The following ARID5A variants were observed in gnomAD, a reference collection of about 807,000 sequenced individuals.
The protein encoded by ARID5A is AT-rich interaction domain 5A.
In ARID5A, 14 loss-of-function variants were observed where a neutral mutation model predicts 30.5. That is an observed-to-expected ratio of 0.46 (90% confidence interval 0.30 to 0.72). The LOEUF (loss-of-function observed/expected upper bound fraction) is 0.72, where lower values mean the gene tolerates loss of function less well. Among genes scored for constraint, ARID5A ranks in the 30% least tolerant of loss-of-function variants. The pLI, the probability that ARID5A is intolerant of heterozygous loss-of-function variation, is 0.07. For missense variants in ARID5A, 669 were observed against 786.2 expected (o/e 0.85, Z 1.78); for synonymous variants, 338 against 340.4 (o/e 0.99, Z 0.08).
Position 96,552,141 on chromosome 2 carries a change from T to C in ARID5A, c.1613T>C (p.Phe538Ser). 1 of 1,612,762 alleles carries C rather than the reference T, an allele frequency of 6.2e-7. No individual in the cohort carries two copies. Among genetic ancestry groups the C allele is most frequent in the Non-Finnish European group, 8.5e-7 (1 of 1,179,808 alleles). The change falls in exon 7 of 7, where the codon TTC becomes TCC. Residue 538 changes from phenylalanine to serine, a missense_variant. Physicochemically the swap from Phe to Ser is radical, Grantham distance 155. Coordinates refer to ENST00000357485, the MANE Select transcript of ARID5A (RefSeq NM_212481.3). ...PLVIPAFPAH[F>S]LATAGPSPMA... The stretch of plus-strand genomic sequence containing the variant: ...GTCATCCCGGCCTTCCCGGCCCACT[T>C]CCTGGCCACCGCAGGCCCCTCGCCC...
At position 96,537,487 on chromosome 2, in the gene ARID5A, T is replaced by C. The variant is rs1866445; in HGVS notation, c.4+657T>C. On this transcript the variant is annotated intron_variant, in intron 1 of 6. Coordinates refer to ENST00000357485, the MANE Select transcript of ARID5A (RefSeq NM_212481.3). This position sits in a 1 kb window ranked among gnomAD's most constrained non-coding sequence, Gnocchi z 4.8. ...CCCTGCCCCTTCCTTCTCTTCCCTT[T>C]TCTCTTTTCCTCTCCTGTCTCTCCG... 0.97 allele frequency: 148,552 copies of C among 152,568 alleles called. 72,359 individuals carry two copies. The highest frequency in any genetic ancestry group is 1 in the East Asian group (5,178 of 5,180). The allele number at this position is 152,568 out of a possible 1,614,324, so 9.5% of individuals were successfully genotyped here.
intron 1 of ARID5A, among the ~76,000 whole-genome samples, chr2:96,541,745 A>G (rs1379449082): frequency 6.6e-6 from 1 of 152,222 alleles, no homozygotes; most frequent in Non-Finnish European, 1.5e-5. Context: ...TGACATTCTT[A>G]TGGAGAGCAG....
In ARID5A at chr2:96,549,965, A is replaced by G. The variant is rs2065997637; in HGVS notation, c.312+160A>G. 2 of 1,532,356 alleles carry G rather than the reference A, an allele frequency of 1.3e-6. No homozygotes were observed. The highest frequency in any genetic ancestry group is 1.8e-6 in the Non-Finnish European group (2 of 1,141,686). 94.9% of individuals were successfully genotyped at this position (1,532,356 alleles called of 1,614,324 possible). ...CCGCTGGTACTCTGCTGCTCAAAGC[A>G]GCTTTTCAGCCTTCCCCATCTGTTC... is the stretch of plus-strand genomic sequence containing the variant. On this transcript the variant is annotated intron_variant, in intron 4 of 6. Coordinates refer to ENST00000357485, the MANE Select transcript of ARID5A (RefSeq NM_212481.3). The surrounding 1 kb of genome is among the most constrained non-coding windows in gnomAD (Gnocchi z 6.1).
Position 96,551,181 on chromosome 2 carries a change from A to G in ARID5A, c.653A>G (p.Gln218Arg). The G allele has an allele frequency of 1.2e-6, 2 of 1,613,956 alleles. No homozygotes were observed. Among genetic ancestry groups the G allele is most frequent in the Non-Finnish European group, 1.7e-6 (2 of 1,179,978 alleles). The change falls in exon 7 of 7, where the codon CAG (glutamine) becomes CGG (arginine). Residue 218 changes from glutamine to arginine, a missense_variant. This residue lies in a region of ARID5A where 548 missense variants were observed against 577.4 expected (regional missense o/e 0.95). Coordinates refer to ENST00000357485, the MANE Select transcript of ARID5A (RefSeq NM_212481.3). Reference sequence around the variant, plus strand: ...GAGCCCCCCAGGAACAGCACAGAACAGCAGGGCCTGGCCTCTGGGTCTTCT... The same window carrying G: ...GAGCCCCCCAGGAACAGCACAGAACGGCAGGGCCTGGCCTCTGGGTCTTCT... ...SQEPPRNSTEQQGLASGSSVS... is the reference protein window; with the variant it reads ...SQEPPRNSTERQGLASGSSVS...
intron 1 of ARID5A, among the ~76,000 whole-genome samples, chr2:96,546,510 TGCTCATTCCA>T (rs1355371258): frequency 6.6e-6 from 1 of 152,240 alleles, no homozygotes; most frequent in African/African-American, 2.4e-5. Flanking sequence ...TTGTGAGCCT[TGCTCATTCCA>T]GCTTGGCACC....
At chr2:96,538,336 G>T in intron 1 of ARID5A, 3 of 985,592 alleles carry the variant, frequency 3.0e-6, no homozygotes, top group Non-Finnish European at 3.6e-6. Context: ...GAGGGACAGG[G>T]AGAATGGGGC....
chr2:96,543,310 G>A (rs1254445749), intron 1 of ARID5A, among the ~76,000 whole-genome samples: 1 of 152,240 alleles, frequency 6.6e-6, no homozygotes, highest in African/African-American at 2.4e-5. Context: ...GACTGAGGGA[G>A]AGAATGTACA....
Position 96,550,749 on chromosome 2 carries a change from G to C in ARID5A, c.570+16G>C, listed in dbSNP as rs1353667143. 6.5e-7 allele frequency: 1 copy of C among 1,543,240 alleles called. No individual in the cohort carries two copies. The highest frequency in any genetic ancestry group is 8.7e-7 in the Non-Finnish European group (1 of 1,144,244). On this transcript the variant is annotated intron_variant, in intron 6 of 6. Coordinates refer to ENST00000357485, the MANE Select transcript of ARID5A (RefSeq NM_212481.3). The surrounding 1 kb of genome is among the most constrained non-coding windows in gnomAD (Gnocchi z 6.6). ...CATGGACCAGGTAGGCCTGCGGCTGGCTGGGGCCACCCTGTCCCTTGCCTC... is the reference window on the plus strand; with the variant it reads ...CATGGACCAGGTAGGCCTGCGGCTGCCTGGGGCCACCCTGTCCCTTGCCTC...
At chr2:96,546,411 C>G (rs1305967163) in intron 1 of ARID5A, among the ~76,000 whole-genome samples, 1 of 152,204 alleles carries the variant, frequency 6.6e-6, no homozygotes, top group Non-Finnish European at 1.5e-5. Context: ...TTTGCAGTGG[C>G]AGAGGTGTTG....
chr2:96,550,303 C>T lies in ARID5A; in HGVS notation c.410+18C>T, dbSNP rs1003228064. On this transcript the variant is annotated intron_variant, in intron 5 of 6. Coordinates refer to ENST00000357485, the MANE Select transcript of ARID5A (RefSeq NM_212481.3). The surrounding 1 kb of genome is among the most constrained non-coding windows in gnomAD (Gnocchi z 6.6). Reference sequence around the variant, plus strand: ...TACGAGAGGTACGGCGGGGCGGGCCCGGGTGCTGGACGCCGCCTACCCTGC... The same window carrying T: ...TACGAGAGGTACGGCGGGGCGGGCCTGGGTGCTGGACGCCGCCTACCCTGC... 98 of 1,433,626 alleles carry T rather than the reference C, an allele frequency of 6.8e-5. No homozygotes were observed. Among genetic ancestry groups the T allele is most frequent in the South Asian group, 1.3e-4 (9 of 67,276 alleles). 88.8% of individuals were successfully genotyped at this position (1,433,626 alleles called of 1,614,324 possible).
intron 1 of ARID5A, chr2:96,538,384 C>A: frequency 2.1e-6 from 2 of 958,548 alleles, no homozygotes; most frequent in Non-Finnish European, 2.5e-6. Flanking sequence ...GTCCCCCGCA[C>A]CTCCTTCCCT....
chr2:96,542,007 GC>G (rs2065854345), intron 1 of ARID5A, among the ~76,000 whole-genome samples: 1 of 152,160 alleles, frequency 6.6e-6, no homozygotes, highest in Non-Finnish European at 1.5e-5. Context: ...ACCCCACCAT[GC>G]AGGTCCTGCC....
At chr2:96,542,836 T>C (rs1227876039) in intron 1 of ARID5A, among the ~76,000 whole-genome samples, 1 of 152,004 alleles carries the variant, frequency 6.6e-6, no homozygotes, top group Non-Finnish European at 1.5e-5. Flanking sequence ...GGGGAGGGGA[T>C]GTGTGAGCTG....
chr2:96,540,311 C>T (rs1459806102), intron 1 of ARID5A, among the ~76,000 whole-genome samples: 3 of 152,200 alleles, frequency 2.0e-5, no homozygotes, highest in Non-Finnish European at 2.9e-5. Context: ...AAATCAGACT[C>T]ATAGCACAGG....
rs1426666363 is a variant in ARID5A at position 96,549,681 on chromosome 2, A to C, written c.260-72A>C. On this transcript the variant is annotated intron_variant, in intron 3 of 6. Transcript: ENST00000357485. This position sits in a 1 kb window ranked among gnomAD's most constrained non-coding sequence, Gnocchi z 6.1. Reference sequence around the variant, plus strand: ...TGGTCTGTGCCTGGCCTGTCAGGGCACCAGGAAGGGGTGGCATGCTGTCCC... The same window carrying C: ...TGGTCTGTGCCTGGCCTGTCAGGGCCCCAGGAAGGGGTGGCATGCTGTCCC... 1 of 1,605,306 alleles carries C rather than the reference A, an allele frequency of 6.2e-7. No individual in the cohort carries two copies. Among genetic ancestry groups the C allele is most frequent in the East Asian group, 2.2e-5 (1 of 44,824 alleles).
At position 96,542,409 on chromosome 2, in the gene ARID5A, G is replaced by A. The variant is rs970950262; in HGVS notation, c.5-4993G>A. Among the ~76,000 whole-genome samples the A allele has an allele frequency of 5.9e-5, 9 of 152,300 alleles. No homozygotes were observed. The South Asian group carries it at 1.7e-3, about 28-fold the overall frequency. On this transcript the variant is annotated intron_variant, in intron 1 of 6. Coordinates refer to ENST00000357485, the MANE Select transcript of ARID5A (RefSeq NM_212481.3). ...AGCTCTAATCCCTTTCCCATCTGGGGTTAAACAGCTCGGATTGGTGACCTC... is the reference window on the plus strand; with the variant it reads ...AGCTCTAATCCCTTTCCCATCTGGGATTAAACAGCTCGGATTGGTGACCTC...
At chr2:96,542,213 A>C (rs1180585260) in intron 1 of ARID5A, among the ~76,000 whole-genome samples, 1 of 152,146 alleles carries the variant, frequency 6.6e-6, no homozygotes, top group East Asian at 1.9e-4. Flanking sequence ...CAAGGGGGAG[A>C]GGACTCTCCC....
chr2:96,549,863 G>A lies in ARID5A; in HGVS notation c.312+58G>A. 3 of 1,585,194 alleles carry A rather than the reference G, an allele frequency of 1.9e-6. No individual in the cohort carries two copies. In the East Asian group the frequency reaches 6.7e-5, roughly 36 times the overall value. Reference sequence around the variant, plus strand: ...TGCATATCCCTGGGGTGAGCCTGCAGCGCTGTCCTTGCCTCTGGACAGAGG... The same window carrying A: ...TGCATATCCCTGGGGTGAGCCTGCAACGCTGTCCTTGCCTCTGGACAGAGG... On this transcript the variant is annotated intron_variant, in intron 4 of 6. Coordinates refer to ENST00000357485, the MANE Select transcript of ARID5A (RefSeq NM_212481.3). This position sits in a 1 kb window ranked among gnomAD's most constrained non-coding sequence, Gnocchi z 6.1.
chr2:96,540,012 T>C (rs1325320399), intron 1 of ARID5A, among the ~76,000 whole-genome samples: 1 of 152,200 alleles, frequency 6.6e-6, no homozygotes. Context: ...AGCTCTGCCA[T>C]GGATAAGCTC....
Sources: allele counts gnomAD v4.1 joint callset (sites outside exome capture counted in the v4.1 genomes callset), GRCh38; gene constraint gnomAD v4.1.1; regional missense constraint gnomAD v4.1.1; non-coding constraint Gnocchi (gnomAD v3.1); transcripts MANE v1.5; gene names NCBI Gene and HGNC (gene_info 2026-07-23, HGNC 2026-07-21).